The following POU2F2 variants were observed in gnomAD, a reference collection of about 807,000 sequenced individuals.
The protein encoded by POU2F2 is POU domain, class 2, transcription factor 2.
Under a neutral mutation model 63.5 loss-of-function variants are expected in POU2F2, and 14 were observed. The ratio of observed to expected loss-of-function variants is 0.22; its 90% CI spans 0.15 to 0.34. POU2F2 has a LOEUF of 0.34. Ranked by LOEUF, POU2F2 falls within the 10% of genes least tolerant of loss-of-function variation. The pLI, the probability that POU2F2 is intolerant of heterozygous loss-of-function variation, is 1.00. For synonymous variants in POU2F2, 306 were observed against 348.6 expected, an observed-to-expected ratio of 0.88 and a Z score of 1.36; for missense variants, 607 against 815.2, an observed-to-expected ratio of 0.74 and a Z score of 3.11.
In POU2F2 at chr19:42,144,486, C is replaced by T. The variant is rs181249565; in HGVS notation, c.-9+15846G>A. Among the ~76,000 whole-genome samples the T allele has an allele frequency of 1.2e-3, 179 of 152,360 alleles. 1 individual carries two copies. The highest frequency in any genetic ancestry group is 2.6e-4 in the Admixed American group (4 of 15,310). ...AGCCTGGGCAAGCGCCTCTTCCACA[C>T]GATTCAGTTCCACATCTTCAGGGAG... On this transcript the variant is annotated intron_variant, in intron 2 of 6. Coordinates refer to the POU2F2 transcript ENST00000524801.
intron 1 of POU2F2, among the ~76,000 whole-genome samples, chr19:42,166,252 G>T (rs1374089748): frequency 6.6e-6 from 1 of 152,096 alleles, no homozygotes; most frequent in Admixed American, 6.5e-5. Context: ...GATGGACTAT[G>T]TTCACTTTTG....
rs1299116030 is a variant in POU2F2 at position 42,153,778 on chromosome 19, G to A, written c.-9+6554C>T. ...CATGGTGACTTGGTGTAGACGGCACGGTGTATGTGTGTAGAGGCTACAACC... is the reference window on the plus strand; with the variant it reads ...CATGGTGACTTGGTGTAGACGGCACAGTGTATGTGTGTAGAGGCTACAACC... On this transcript the variant is annotated intron_variant, in intron 2 of 6. Transcript: ENST00000524801. The surrounding 1 kb of genome is among the most constrained non-coding windows in gnomAD (Gnocchi z 5.6). Among the ~76,000 whole-genome samples the A allele has an allele frequency of 1.1e-4, 17 of 152,158 alleles. 1 individual carries two copies. The highest frequency in any genetic ancestry group is 3.9e-4 in the East Asian group (2 of 5,184).
rs565911462 is a variant in POU2F2 at position 42,152,273 on chromosome 19, G to A, written c.-9+8059C>T. 2.0e-5 allele frequency among the ~76,000 whole-genome samples: 3 copies of A among 152,238 alleles called. No individual in the cohort carries two copies. The highest frequency in any genetic ancestry group is 2.1e-4 in the South Asian group (1 of 4,824). ...TCCTATGAAGGCTGAGGTGACTCTC[G>A]GGGAGAGGGCCGCAGCGAAGAAGAA... is the stretch of plus-strand genomic sequence containing the variant. On this transcript the variant is annotated intron_variant, in intron 2 of 6. Transcript: ENST00000524801. The surrounding 1 kb of genome is among the most constrained non-coding windows in gnomAD (Gnocchi z 4.1).
At position 42,096,267 on chromosome 19, in the gene POU2F2, G is replaced by C; in HGVS notation, c.568-24C>G. The C allele has an allele frequency of 1.7e-5, 26 of 1,530,958 alleles. No individual in the cohort carries two copies. The highest frequency in any genetic ancestry group is 2.0e-5 in the Non-Finnish European group (23 of 1,139,764). 94.8% of individuals were successfully genotyped at this position (1,530,958 alleles called of 1,614,324 possible). A position where few individuals can be genotyped will look rare whatever the true frequency, so the allele number is the denominator to read the frequency against. Reference sequence around the variant, plus strand: ...GCCTGGTGGGGTGGGCAGGTGGGTGGGATGCAGGGCGGAGGACCAGGATGG... The same window carrying C: ...GCCTGGTGGGGTGGGCAGGTGGGTGCGATGCAGGGCGGAGGACCAGGATGG... On this transcript the variant is annotated intron_variant, in intron 7 of 14. Transcript: ENST00000692977. This position sits in a 1 kb window ranked among gnomAD's most constrained non-coding sequence, Gnocchi z 4.1.
intron 1 of POU2F2, among the ~76,000 whole-genome samples, chr19:42,168,467 T>C (rs1206201473): frequency 6.6e-6 from 1 of 152,220 alleles, no homozygotes; most frequent in Non-Finnish European, 1.5e-5. Context: ...CTTGTTCACA[T>C]GTCCATGCCC....
At chr19:42,119,667 G>A (rs944814656) in intron 4 of POU2F2, among the ~76,000 whole-genome samples, 28 of 152,108 alleles carry the variant, frequency 1.8e-4, no homozygotes, top group Admixed American at 3.9e-4. Flanking sequence ...GCGAGACTCC[G>A]CCTCAAAAAT....
chr19:42,171,242 G>A (rs191561300), intron 1 of POU2F2, among the ~76,000 whole-genome samples: 119 of 152,284 alleles, frequency 7.8e-4, no homozygotes, highest in Non-Finnish European at 1.3e-3. Context: ...TCCGCTTGTA[G>A]GTATATGTGT....
chr19:42,143,351 CA>C (rs199605973), intron 2 of POU2F2, among the ~76,000 whole-genome samples: 1 of 150,398 alleles, frequency 6.6e-6, no homozygotes, highest in Non-Finnish European at 1.5e-5. Flanking sequence ...GACTCTGCCT[CA>C]AAAAAAAAGA....
intron 1 of POU2F2, among the ~76,000 whole-genome samples, chr19:42,163,450 G>A (rs1035878384): frequency 6.6e-6 from 1 of 152,190 alleles, no homozygotes; most frequent in African/African-American, 2.4e-5. Flanking sequence ...AGGGAGGGGG[G>A]CAGCGGAAGG....
At position 42,153,626 on chromosome 19, in the gene POU2F2, T is replaced by C. The variant is rs921400826; in HGVS notation, c.-9+6706A>G. Among the ~76,000 whole-genome samples, 10 of 152,100 alleles carry C rather than the reference T, an allele frequency of 6.6e-5. No homozygotes were observed. Among genetic ancestry groups the C allele is most frequent in the Non-Finnish European group, 1.5e-5 (1 of 68,018 alleles). On this transcript the variant is annotated intron_variant, in intron 2 of 6. Coordinates refer to the POU2F2 transcript ENST00000524801. This position sits in a 1 kb window ranked among gnomAD's most constrained non-coding sequence, Gnocchi z 5.6. ...TATGTGTACTGGAAGCAGGTTCTCCTCATGAGTGTCGGAGAGTCCATGCGG... is the reference window on the plus strand; with the variant it reads ...TATGTGTACTGGAAGCAGGTTCTCCCCATGAGTGTCGGAGAGTCCATGCGG...
chr19:42,100,085 C>CTTTTTTTTTTTTT (rs948283094), intron 5 of POU2F2, among the ~76,000 whole-genome samples: 2 of 77,080 alleles, frequency 2.6e-5, no homozygotes, highest in African/African-American at 4.9e-5. Context: ...CCCTTTCTTT[C>CTTTTTTTTTTTTT]TTTTTTTTTT....
chr19:42,179,894 A>C (rs1295380535), upstream of POU2F2, among the ~76,000 whole-genome samples: 2 of 152,178 alleles, frequency 1.3e-5, no homozygotes, highest in Non-Finnish European at 2.9e-5. Flanking sequence ...CGCAACACAA[A>C]TAAATGCAAG....
chr19:42,140,738 C>T (rs1421729546), intron 2 of POU2F2, among the ~76,000 whole-genome samples: 1 of 152,226 alleles, frequency 6.6e-6, no homozygotes, highest in Non-Finnish European at 1.5e-5. Flanking sequence ...TTTCTGAAGA[C>T]AGGTGTCCTT....
rs1372355137 is a variant in POU2F2, at chr19:42,092,965, C to T, written c.1265-695G>A. Among the ~76,000 whole-genome samples, 3 of 134,596 alleles carry T rather than the reference C, an allele frequency of 2.2e-5. No individual in the cohort carries two copies. Among genetic ancestry groups the T allele is most frequent in the Admixed American group, 7.7e-5 (1 of 13,062 alleles). The allele number at this position is 134,596 out of a possible 152,430, so 88.3% of individuals were successfully genotyped here. On this transcript the variant is annotated intron_variant, in intron 12 of 14. Coordinates refer to ENST00000692977, the MANE Select transcript of POU2F2 (RefSeq NM_001394376.1). The surrounding 1 kb of genome is among the most constrained non-coding windows in gnomAD (Gnocchi z 5.0). ...ATATATTATGTGTATATATATTATG[C>T]ATATATATATTATGTGTGTGTGTAT...
intron 1 of POU2F2, among the ~76,000 whole-genome samples, chr19:42,188,488 T>C (rs2035037656): frequency 6.6e-6 from 1 of 150,552 alleles, no homozygotes; most frequent in South Asian, 2.1e-4. Flanking sequence ...ATGGCCAACA[T>C]GGTGAAATCC....
chr19:42,148,536 G>C (rs1022023370), intron 2 of POU2F2, among the ~76,000 whole-genome samples: 51 of 152,158 alleles, frequency 3.4e-4, no homozygotes, highest in Non-Finnish European at 5.9e-5. Context: ...CACTAATGTA[G>C]ACCTTGTTGG....
rs577142978 is a variant in POU2F2, at chr19:42,160,620, A to G, written c.-69-228T>C. Among the ~76,000 whole-genome samples the G allele has an allele frequency of 1.6e-4, 25 of 152,332 alleles. No individual in the cohort carries two copies. The South Asian group carries it at 4.8e-3, about 29-fold the overall frequency. ...GTGTCCCCAACTCATAAATGGGCAT[A>G]CTAGTGCCTGCCACTGTGGAACATC... On this transcript the variant is annotated intron_variant, in intron 1 of 6. Transcript: ENST00000524801.
At chr19:42,188,815 GAAAA>G (rs1412603086) in intron 1 of POU2F2, among the ~76,000 whole-genome samples, 1 of 145,640 alleles carries the variant, frequency 6.9e-6, no homozygotes, top group Non-Finnish European at 1.5e-5. Context: ...GAGAAAGAAA[GAAAA>G]AGAGAGAGGA....
Position 42,091,093 on chromosome 19 carries a change from CCTT to C in POU2F2, c.*161_*163del. On this transcript the variant is annotated 3_prime_UTR_variant, in exon 15 of 15. Transcript: ENST00000692977. ...TTCTCTTTTGTTGGTTAGTTTCTTT[CCTT>C]TTTTTTTTTTTTTTTGGTTGGTTGT... is the stretch of plus-strand genomic sequence containing the variant. 1 of 541,790 alleles carries C rather than the reference CCTT, an allele frequency of 1.8e-6. No homozygotes were observed. The highest frequency in any genetic ancestry group is 2.8e-6 in the Non-Finnish European group (1 of 351,160). The allele number at this position is 541,790 out of a possible 1,614,324, so 33.6% of individuals were successfully genotyped here. A position where few individuals can be genotyped will look rare whatever the true frequency, so the allele number is the denominator to read the frequency against.
Sources: allele counts gnomAD v4.1 joint callset (sites outside exome capture counted in the v4.1 genomes callset), GRCh38; gene constraint gnomAD v4.1.1; non-coding constraint Gnocchi (gnomAD v3.1); transcripts MANE v1.5; gene names NCBI Gene and HGNC (gene_info 2026-07-23, HGNC 2026-07-21).